Variants in DLGAP2 observed in about 807,000 individuals in gnomAD.
DLGAP2 encodes the protein DLG associated protein 2.
In DLGAP2, 26 loss-of-function variants were observed where a neutral mutation model predicts 100.3. The ratio of observed to expected loss-of-function variants is 0.26; its 90% CI spans 0.19 to 0.36. DLGAP2 has a LOEUF of 0.36. Among genes scored for constraint, DLGAP2 ranks in the 10% least tolerant of loss-of-function variants. The pLI is 1.00. For missense variants in DLGAP2, 1,858 were observed against 1,453.2 expected (o/e 1.28, Z -4.53); for synonymous variants, 886 against 630.1 (o/e 1.41, Z -6.08).
At chr8:1,019,669 T>G (rs898392208) in intron 2 of DLGAP2, 1 of 152,212 alleles carries the variant, frequency 6.6e-6, no homozygotes, top group South Asian at 2.1e-4. Flanking sequence ...CAGGGTTTGC[T>G]TTGGTGTGAT....
At chr8:1,173,220 C>T (rs1324834497) in intron 2 of DLGAP2, among the ~76,000 whole-genome samples, 1 of 152,170 alleles carries the variant, frequency 6.6e-6, no homozygotes, top group Admixed American at 6.5e-5. Flanking sequence ...GCGAATGCTG[C>T]TGCCTGATCG....
chr8:1,250,245 G>A (rs1400577346), intron 2 of DLGAP2: 1 of 152,168 alleles, frequency 6.6e-6, no homozygotes, highest in Non-Finnish European at 1.5e-5. Context: ...AGTCAGATAT[G>A]GCATTTCAGG....
chr8:1,638,584 G>A (rs551689332), intron 8 of DLGAP2, among the ~76,000 whole-genome samples: 5 of 152,324 alleles, frequency 3.3e-5, no homozygotes, highest in South Asian at 4.1e-4. Flanking sequence ...AAATAGCACA[G>A]GTGAGAAGGG....
At chr8:1,178,436 C>T (rs1466428747) in intron 2 of DLGAP2, among the ~76,000 whole-genome samples, 1 of 152,172 alleles carries the variant, frequency 6.6e-6, no homozygotes. Flanking sequence ...CCCACTCACT[C>T]TGTGTTTCTG....
At chr8:1,682,612 C>A (rs142392130) in intron 12 of DLGAP2, among the ~76,000 whole-genome samples, 1 of 147,028 alleles carries the variant, frequency 6.8e-6, no homozygotes, top group Non-Finnish European at 1.5e-5. Flanking sequence ...GTAGCTGGGA[C>A]TACAGACACG....
At chr8:1,063,587 G>T (rs973261256) in intron 2 of DLGAP2, among the ~76,000 whole-genome samples, 1 of 134,904 alleles carries the variant, frequency 7.4e-6, no homozygotes, top group African/African-American at 2.8e-5. Flanking sequence ...AAATGGTATT[G>T]TCTAGCCTCT....
At chr8:1,181,336 ACT>A (rs1268747058) in intron 2 of DLGAP2, among the ~76,000 whole-genome samples, 3 of 152,250 alleles carry the variant, frequency 2.0e-5, no homozygotes, top group African/African-American at 7.2e-5. Flanking sequence ...GCTTGAGTGC[ACT>A]GTTTGATCTT....
At chr8:1,356,451 G>T (rs146161411) in intron 3 of DLGAP2, among the ~76,000 whole-genome samples, 1 of 152,210 alleles carries the variant, frequency 6.6e-6, no homozygotes, top group South Asian at 2.1e-4. Context: ...CCCGTCAGAG[G>T]CTGCAGTGGG....
Position 1,069,542 on chromosome 8 carries a change from C to G in DLGAP2, c.73+161576C>G, listed in dbSNP as rs142061339. 4.1e-4 allele frequency among the ~76,000 whole-genome samples: 62 copies of G among 152,260 alleles called. 2 individuals carry two copies. The highest frequency in any genetic ancestry group is 3.4e-3 in the Middle Eastern group (1 of 294). On this transcript the variant is annotated intron_variant, in intron 2 of 14. Transcript: ENST00000637795. The stretch of plus-strand genomic sequence containing the variant: ...CGGTTTCTGGGGAGAACAGTGGGAC[C>G]TGCACATCCGAGAGTCCGAGCTTTA...
intron 6 of DLGAP2, among the ~76,000 whole-genome samples, chr8:1,571,254 G>T (rs1232646990): frequency 7.0e-6 from 1 of 142,000 alleles, no homozygotes; most frequent in East Asian, 2.2e-4. Flanking sequence ...GAAGAGAGAG[G>T]GGTGAACTGG....
chr8:1,336,953 T>C (rs1801288393), intron 3 of DLGAP2, among the ~76,000 whole-genome samples: 1 of 152,172 alleles, frequency 6.6e-6, no homozygotes, highest in Non-Finnish European at 1.5e-5. Flanking sequence ...GTACAAGTTA[T>C]CCCACCCTAA....
chr8:814,726 G>A (rs1796431804), intron 1 of DLGAP2, among the ~76,000 whole-genome samples: 1 of 151,438 alleles, frequency 6.6e-6, no homozygotes, highest in Non-Finnish European at 1.5e-5. Flanking sequence ...GGTGGCAGGT[G>A]CCTATAGTCC....
intron 1 of DLGAP2, among the ~76,000 whole-genome samples, chr8:867,859 T>G (rs1027887023): frequency 6.6e-6 from 1 of 152,238 alleles, no homozygotes; most frequent in African/African-American, 2.4e-5. Flanking sequence ...GTGTGTTTAG[T>G]TTTCCACGTA....
In DLGAP2 at chr8:1,068,309, G is replaced by A. The variant is rs574659867; in HGVS notation, c.73+160343G>A. On this transcript the variant is annotated intron_variant, in intron 2 of 14. Transcript: ENST00000637795. ...GGATGTAAGTTTCCAGCTCATCTGGGTAAATATGAAGGCATGCAATTGTTG... is the reference window on the plus strand; with the variant it reads ...GGATGTAAGTTTCCAGCTCATCTGGATAAATATGAAGGCATGCAATTGTTG... Among the ~76,000 whole-genome samples, 7 of 152,344 alleles carry A rather than the reference G, an allele frequency of 4.6e-5. No individual in the cohort carries two copies. In the East Asian group the frequency reaches 1.3e-3, roughly 29 times the overall value.
chr8:1,254,744 G>A (rs574912186), intron 2 of DLGAP2, among the ~76,000 whole-genome samples: 4 of 152,240 alleles, frequency 2.6e-5, no homozygotes, highest in African/African-American at 7.2e-5. Context: ...GGGTTTCGGG[G>A]GCCGAGTGAG....
intron 8 of DLGAP2, among the ~76,000 whole-genome samples, chr8:1,641,146 CA>C (rs1348100043): frequency 6.6e-6 from 1 of 152,136 alleles, no homozygotes; most frequent in African/African-American, 2.4e-5. Context: ...TAAGGGTTTC[CA>C]AAGGTTAAAT....
intron 1 of DLGAP2, among the ~76,000 whole-genome samples, chr8:786,356 C>T (rs1585861687): frequency 6.6e-6 from 1 of 152,256 alleles, no homozygotes; most frequent in Admixed American, 6.5e-5. Context: ...GAGACACTGG[C>T]GTGGTGCTTC....
rs1208685605 is a variant in DLGAP2, at chr8:1,678,572, G to C, written c.2647G>C (p.Glu883Gln). 2 of 1,582,932 alleles carry C rather than the reference G, an allele frequency of 1.3e-6. No individual in the cohort carries two copies. Among genetic ancestry groups the C allele is most frequent in the South Asian group, 2.3e-5 (2 of 86,524 alleles). ...GCTGCACGCAGAGACAAAGAGGATG[G>C]AAGGCTGGTGCAAAGAGATGGAGAG... The part of the protein sequence containing the change: ...KLLHAETKRM[E>Q]GWCKEMEREA... The change falls in exon 12 of 15, where the codon GAA becomes CAA. Residue 883 changes from glutamate to glutamine, a missense_variant. By Grantham distance (29) the Glu-to-Gln change is conservative. Transcript: ENST00000637795.
chr8:1,627,016 A>C lies in DLGAP2; in HGVS notation c.1590+129A>C, dbSNP rs560331767. ...GCAGCACTTGGGCAAGGCTACACCA[A>C]AGGGGGTTCCCCTGGAATTAGCTCT... On this transcript the variant is annotated intron_variant, in intron 7 of 14. Transcript: ENST00000637795. The C allele has an allele frequency of 2.7e-4, 316 of 1,153,752 alleles. 3 individuals carry two copies. In the African/African-American group the frequency reaches 4.4e-3, roughly 16 times the overall value. The allele number at this position is 1,153,752 out of a possible 1,614,324, so 71.5% of individuals were successfully genotyped here. A position where few individuals can be genotyped will look rare whatever the true frequency, so the allele number is the denominator to read the frequency against.
Sources: allele counts gnomAD v4.1 joint callset (sites outside exome capture counted in the v4.1 genomes callset), GRCh38; gene constraint gnomAD v4.1.1; transcripts MANE v1.5; gene names NCBI Gene and HGNC (gene_info 2026-07-23, HGNC 2026-07-21).